The following CRADD variants were observed in gnomAD, a reference collection of about 807,000 sequenced individuals.
CRADD encodes the protein CARD and death domain containing adaptor protein.
CRADD carries 9 observed loss-of-function variants against 15.5 expected under a neutral mutation model. The ratio of observed to expected loss-of-function variants is 0.58; its 90% CI spans 0.35 to 1.01. The LOEUF (loss-of-function observed/expected upper bound fraction) is 1.01. Ranked by LOEUF, CRADD falls within the 50% of genes least tolerant of loss-of-function variation. The probability of loss-of-function intolerance (pLI) is 0.02; values close to 1 mark genes in which losing one functional copy is unlikely to be tolerated. For synonymous variants in CRADD, 118 were observed against 107.6 expected, an observed-to-expected ratio of 1.10 and a Z score of -0.60; for missense variants, 227 against 250.3, an observed-to-expected ratio of 0.91 and a Z score of 0.63.
intron 2 of CRADD, among the ~76,000 whole-genome samples, chr12:93,751,246 G>A (rs866675811): frequency 1.5e-4 from 23 of 152,128 alleles, no homozygotes; most frequent in African/African-American, 4.8e-4. Context: ...CTCCAATCAC[G>A]TCAGGAAGTT....
At chr12:93,811,012 G>A (rs1413269225) in intron 2 of CRADD, among the ~76,000 whole-genome samples, 1 of 151,372 alleles carries the variant, frequency 6.6e-6, no homozygotes, top group African/African-American at 2.4e-5. Context: ...ATCTTTAGTT[G>A]TTTCTGGCTT....
chr12:93,848,170 T>TTGTATAA (rs1958155942), intron 2 of CRADD, among the ~76,000 whole-genome samples: 2 of 152,136 alleles, frequency 1.3e-5, no homozygotes, highest in African/African-American at 4.8e-5. Flanking sequence ...TTAATGAGCC[T>TTGTATAA]ATGTTTTTAT....
chr12:93,873,084 T>C (rs905020634), intron 2 of CRADD, among the ~76,000 whole-genome samples: 2 of 152,128 alleles, frequency 1.3e-5, no homozygotes, highest in African/African-American at 4.8e-5. Flanking sequence ...TCAATTTCTT[T>C]CATCAGTGTT....
chr12:93,881,402 A>AT (rs199658859), intron 2 of CRADD, among the ~76,000 whole-genome samples: 80 of 123,606 alleles, frequency 6.5e-4, no homozygotes, highest in African/African-American at 2.3e-3. Flanking sequence ...AAACACGTCA[A>AT]TTTTTTTTGT....
intron 2 of CRADD, among the ~76,000 whole-genome samples, chr12:93,757,421 G>C (rs1004275165): frequency 6.6e-6 from 1 of 152,176 alleles, no homozygotes; most frequent in African/African-American, 2.4e-5. Context: ...AGATGGCCAA[G>C]TTTATTAGAT....
intron 2 of CRADD, among the ~76,000 whole-genome samples, chr12:93,802,614 G>A (rs995874877): frequency 6.6e-6 from 1 of 152,188 alleles, no homozygotes; most frequent in African/African-American, 2.4e-5. Context: ...CCACTGTTCT[G>A]CAGGTAAATG....
intron 2 of CRADD, among the ~76,000 whole-genome samples, chr12:93,726,094 G>GTTTTTTTTTTTTTTTTTTTT (rs1165429350): frequency 1.7e-4 from 16 of 96,018 alleles, no homozygotes; most frequent in Non-Finnish European, 2.4e-4. Flanking sequence ...AAATAGTTTA[G>GTTTTTTTTTTTTTTTTTTTT]TTTTTTTTTT....
chr12:93,795,084 T>A (rs1426879599), intron 2 of CRADD, among the ~76,000 whole-genome samples: 1 of 152,224 alleles, frequency 6.6e-6, no homozygotes, highest in African/African-American at 2.4e-5. Context: ...CATTTGTGTT[T>A]ATGTATTATT....
chr12:93,852,763 T>C (rs1958238771), downstream of CRADD, among the ~76,000 whole-genome samples: 1 of 152,102 alleles, frequency 6.6e-6, no homozygotes, highest in African/African-American at 2.4e-5. Context: ...TGCAGCGAGG[T>C]GGCAAGAGCA....
At chr12:93,770,115 A>G (rs1351091497) in intron 2 of CRADD, among the ~76,000 whole-genome samples, 1 of 45,704 alleles carries the variant, frequency 2.2e-5, no homozygotes. Flanking sequence ...TTTTTTTTTG[A>G]GACGGAGTCT....
At chr12:93,812,388 A>G (rs1039110861) in intron 2 of CRADD, among the ~76,000 whole-genome samples, 2 of 152,156 alleles carry the variant, frequency 1.3e-5, no homozygotes. Flanking sequence ...TAACTGGCAT[A>G]AATAAATAGT....
At chr12:93,835,552 A>G (rs577013342) in intron 2 of CRADD, among the ~76,000 whole-genome samples, 1 of 152,250 alleles carries the variant, frequency 6.6e-6, no homozygotes, top group South Asian at 2.1e-4. Context: ...TCTCTACTTC[A>G]GGAATACTCA....
At chr12:93,764,858 T>C (rs1957009953) in intron 2 of CRADD, among the ~76,000 whole-genome samples, 1 of 152,094 alleles carries the variant, frequency 6.6e-6, no homozygotes, top group African/African-American at 2.4e-5. Context: ...GACTTAACTT[T>C]CTATGAGTGT....
At chr12:93,790,092 C>G (rs1592992732) in intron 2 of CRADD, among the ~76,000 whole-genome samples, 1 of 152,260 alleles carries the variant, frequency 6.6e-6, no homozygotes, top group East Asian at 1.9e-4. Context: ...TTAGGAACTC[C>G]TAAGAAGTTT....
At chr12:93,804,515 C>T (rs1009426014) in intron 2 of CRADD, among the ~76,000 whole-genome samples, 3 of 152,144 alleles carry the variant, frequency 2.0e-5, no homozygotes, top group South Asian at 2.1e-4. Context: ...GTCCCCAAGT[C>T]TCAGGAGAAC....
chr12:93,842,479 G>C (rs941329623), intron 2 of CRADD, among the ~76,000 whole-genome samples: 1 of 152,172 alleles, frequency 6.6e-6, no homozygotes, highest in Non-Finnish European at 1.5e-5. Context: ...CTCCTGGAAA[G>C]GTGTACGTTG....
In CRADD at chr12:93,709,663, T is replaced by C. The variant is rs564812329; in HGVS notation, c.298+30591T>C. Among the ~76,000 whole-genome samples, 6 of 152,368 alleles carry C rather than the reference T, an allele frequency of 3.9e-5. No individual in the cohort carries two copies. The South Asian group carries it at 8.3e-4, about 21-fold the overall frequency. On this transcript the variant is annotated intron_variant, in intron 2 of 2. Transcript: ENST00000332896. ...CACATTTTTTAAATCCAGTTTGTCA[T>C]TGATGGGCGTTTAAGTTGATTCCAT... is the stretch of plus-strand genomic sequence containing the variant.
chr12:93,870,523 G>A (rs189803529), intron 2 of CRADD, among the ~76,000 whole-genome samples: 2 of 152,260 alleles, frequency 1.3e-5, no homozygotes, highest in East Asian at 3.9e-4. Flanking sequence ...CTCTATTCCT[G>A]GTAGACATGG....
chr12:93,698,462 A>G (rs534511996), intron 2 of CRADD, among the ~76,000 whole-genome samples: 1 of 152,322 alleles, frequency 6.6e-6, no homozygotes, highest in South Asian at 2.1e-4. Context: ...TGCTATTTCA[A>G]CTATTAGAGA....
Sources: gnomAD v4.1 joint callset for allele counts (sites outside exome capture counted in the v4.1 genomes callset) on GRCh38, gnomAD v4.1.1 for gene constraint, MANE v1.5 for transcripts, NCBI Gene and HGNC (gene_info 2026-07-23, HGNC 2026-07-21) for gene names.